Variants in DAW1 observed in about 807,000 individuals in gnomAD.
DAW1 encodes dynein assembly factor with WD repeat domains 1.
Under a neutral mutation model 56.5 loss-of-function variants are expected in DAW1, and 47 were observed. The ratio of observed to expected loss-of-function variants is 0.83; its 90% confidence interval spans 0.66 to 1.06. DAW1 has a LOEUF of 1.06. Among genes scored for constraint, DAW1 ranks in the 50% least tolerant of loss-of-function variants. DAW1 has a pLI of 0.00. For missense variants in DAW1, 505 were observed against 499.3 expected, an observed-to-expected ratio of 1.01 and a Z score of -0.11; for synonymous variants, 190 against 179.0, an observed-to-expected ratio of 1.06 and a Z score of -0.49.
intron 1 of DAW1, among the ~76,000 whole-genome samples, chr2:227,878,601 A>G (rs982358919): frequency 2.0e-5 from 3 of 152,168 alleles, no homozygotes; most frequent in African/African-American, 7.2e-5. Context: ...ATGGGCCTAT[A>G]GTCCTAGCTA....
chr2:227,881,921 T>C (rs1691021322), intron 1 of DAW1, among the ~76,000 whole-genome samples: 1 of 151,970 alleles, frequency 6.6e-6, no homozygotes, highest in Non-Finnish European at 1.5e-5. Flanking sequence ...CCAGCTAATT[T>C]CTGTATTTTT....
chr2:227,913,349 T>C (rs1406654058), intron 10 of DAW1, among the ~76,000 whole-genome samples: 1 of 152,218 alleles, frequency 6.6e-6, no homozygotes, highest in East Asian at 1.9e-4. Context: ...TAACCATGTG[T>C]TATATCTCCC....
intron 10 of DAW1, among the ~76,000 whole-genome samples, chr2:227,908,798 G>A (rs1169568503): frequency 2.6e-5 from 4 of 152,130 alleles, no homozygotes; most frequent in Non-Finnish European, 5.9e-5. Context: ...GCTATACTAA[G>A]TCTATGTCAT....
At chr2:227,889,248 C>T (rs1166866539) in intron 2 of DAW1, among the ~76,000 whole-genome samples, 1 of 152,158 alleles carries the variant, frequency 6.6e-6, no homozygotes, top group African/African-American at 2.4e-5. Flanking sequence ...AAAGAAAGAC[C>T]TGAAACAGGG....
chr2:227,921,988 C>CA (rs1377759121), intron 12 of DAW1, among the ~76,000 whole-genome samples: 3 of 151,734 alleles, frequency 2.0e-5, no homozygotes, highest in Non-Finnish European at 2.9e-5. Flanking sequence ...CCCGTCTCTA[C>CA]AAAAAAAATA....
intron 5 of DAW1, among the ~76,000 whole-genome samples, chr2:227,896,224 A>G (rs1208915496): frequency 5.3e-5 from 8 of 152,190 alleles, no homozygotes; most frequent in African/African-American, 1.9e-4. Context: ...TTATGAAAAG[A>G]TAAAGATTTT....
At chr2:227,900,627 G>A (rs959493115) in intron 6 of DAW1, among the ~76,000 whole-genome samples, 25 of 152,140 alleles carry the variant, frequency 1.6e-4, no homozygotes, top group African/African-American at 5.6e-4. Context: ...CAGGCAGACC[G>A]AGCAGCCCTG....
intron 5 of DAW1, among the ~76,000 whole-genome samples, chr2:227,894,588 G>GAC (rs966086612): frequency 6.6e-6 from 1 of 152,194 alleles, no homozygotes; most frequent in African/African-American, 2.4e-5. Context: ...GAATGTGACA[G>GAC]ACACACACAG....
chr2:227,917,374 C>T (rs1055990500), intron 10 of DAW1, among the ~76,000 whole-genome samples: 28 of 151,992 alleles, frequency 1.8e-4, no homozygotes, highest in African/African-American at 6.3e-4. Context: ...CATTCTCCTG[C>T]CTCAGCCTCC....
intron 5 of DAW1, 107 bp downstream of exon 5, chr2:227,894,024 G>C: frequency 3.2e-6 from 4 of 1,250,492 alleles, no homozygotes; most frequent in Non-Finnish European, 3.2e-6. Context: ...TTGAGTGCTT[G>C]GTATGTGCTT....
At chr2:227,913,881 A>ATCTATCTATCTGTCTG (rs79833260) in intron 10 of DAW1, among the ~76,000 whole-genome samples, 49 of 120,504 alleles carry the variant, frequency 4.1e-4, no homozygotes, top group African/African-American at 5.8e-4. Context: ...ATATCTATCT[A>ATCTATCTATCTGTCTG]TCTGTCTGTC....
At chr2:227,898,090 AT>A in intron 5 of DAW1, 91 bp from the exon 6 acceptor site, 1 of 730,794 alleles carries the variant, frequency 1.4e-6, no homozygotes, top group Non-Finnish European at 1.9e-6. Flanking sequence ...AGTGAAGTAA[AT>A]TTTTTACTCA....
chr2:227,913,589 G>T (rs1227259029), intron 10 of DAW1, among the ~76,000 whole-genome samples: 1 of 152,054 alleles, frequency 6.6e-6, no homozygotes, highest in African/African-American at 2.4e-5. Flanking sequence ...CATGTATAAT[G>T]CTATCCTATG....
chr2:227,878,786 C>T (rs1690944482), intron 1 of DAW1, among the ~76,000 whole-genome samples: 1 of 149,850 alleles, frequency 6.7e-6, no homozygotes, highest in Admixed American at 6.8e-5. Context: ...TTGTTTTTCT[C>T]TTACTTTTTA....
chr2:227,920,011 C>T (rs968857986), intron 11 of DAW1, among the ~76,000 whole-genome samples: 2 of 152,014 alleles, frequency 1.3e-5, no homozygotes, highest in Non-Finnish European at 2.9e-5. Context: ...AGCTGGGAGG[C>T]TTATGGATGG....
chr2:227,880,511 C>T (rs1302945423), intron 1 of DAW1, among the ~76,000 whole-genome samples: 1 of 151,666 alleles, frequency 6.6e-6, no homozygotes, highest in Middle Eastern at 3.2e-3. Context: ...AGAACTACTT[C>T]TTGGGGGGAA....
intron 1 of DAW1, among the ~76,000 whole-genome samples, chr2:227,875,063 C>T (rs1690848255): frequency 6.6e-6 from 1 of 152,170 alleles, no homozygotes; most frequent in African/African-American, 2.4e-5. Context: ...TTTGAATGTC[C>T]ACCGTACATC....
intron 7 of DAW1, among the ~76,000 whole-genome samples, chr2:227,904,341 C>T (rs1044651719): frequency 2.6e-5 from 4 of 152,170 alleles, no homozygotes; most frequent in African/African-American, 9.7e-5. Flanking sequence ...ATCCCCTTAT[C>T]AGAGTTCCAG....
intron 10 of DAW1, among the ~76,000 whole-genome samples, chr2:227,913,637 A>G (rs1212722750): frequency 6.6e-6 from 1 of 152,132 alleles, no homozygotes; most frequent in Non-Finnish European, 1.5e-5. Context: ...GGTACTCTAC[A>G]TGCACATCAT....
Sources: gnomAD v4.1 joint callset for allele counts (sites outside exome capture counted in the v4.1 genomes callset) on GRCh38, gnomAD v4.1.1 for gene constraint, MANE v1.5 for transcripts, NCBI Gene and HGNC (gene_info 2026-07-23, HGNC 2026-07-21) for gene names.